PSD3: variants seen among roughly 807,000 people sequenced by gnomAD.
The protein encoded by PSD3 is pleckstrin and Sec7 domain containing 3, also known as PH and SEC7 domain-containing protein 3.
A neutral mutation model predicts 105.5 loss-of-function variants in PSD3; 49 were observed. The ratio of observed to expected loss-of-function variants is 0.46; its 90% CI spans 0.37 to 0.59. The LOEUF (loss-of-function observed/expected upper bound fraction) is 0.59, where lower values mean the gene tolerates loss of function less well. Among genes scored for constraint, PSD3 ranks in the 20% least tolerant of loss-of-function variants. The pLI is 0.00. For synonymous variants in PSD3, 557 were observed against 457.8 expected (o/e 1.22, Z -2.77); for missense variants, 1,561 against 1,263.8 (o/e 1.24, Z -3.57).
At chr8:18,984,039 G>A (rs770984904) in intron 1 of PSD3, among the ~76,000 whole-genome samples, 40 of 149,424 alleles carry the variant, frequency 2.7e-4, no homozygotes, top group Non-Finnish European at 4.4e-4. Context: ...ATCACTGATC[G>A]CAGATCATAA....
At chr8:19,042,064 T>C (rs1346346493) in intron 1 of PSD3, among the ~76,000 whole-genome samples, 3 of 152,220 alleles carry the variant, frequency 2.0e-5, no homozygotes, top group East Asian at 3.8e-4. Context: ...ATTAAAATTG[T>C]TTTTATTTTG....
At chr8:18,799,064 T>A in intron 8 of PSD3, 1 of 474,566 alleles carries the variant, frequency 2.1e-6, no homozygotes, top group Non-Finnish European at 3.8e-6. Context: ...AACACACACA[T>A]TACTGCTAAA....
In PSD3 at chr8:18,527,934, T is replaced by A. The variant is rs548223831; in HGVS notation, c.*7809A>T. The A allele has an allele frequency of 1.3e-5, 2 of 152,204 alleles. No individual in the cohort carries two copies. Among genetic ancestry groups the A allele is most frequent in the African/African-American group, 2.4e-5 (1 of 41,456 alleles). The allele number at this position is 152,204 out of a possible 1,614,324, so 9.4% of individuals were successfully genotyped here. A position where few individuals can be genotyped will look rare whatever the true frequency, so the allele number is the denominator to read the frequency against. ...GGGACATATGGCACCAGGACTGCAA[T>A]AGAACTGAAATGATTGGTGGAGAAA... On this transcript the variant is annotated 3_prime_UTR_variant, in exon 16 of 16. Transcript: ENST00000327040.
intron 8 of PSD3, among the ~76,000 whole-genome samples, chr8:18,790,982 C>CA (rs1809667203): frequency 6.6e-6 from 1 of 152,076 alleles, no homozygotes; most frequent in South Asian, 2.1e-4. Context: ...TAACTGCCAA[C>CA]AAAAGAATAA....
intron 9 of PSD3, among the ~76,000 whole-genome samples, chr8:18,708,586 GACA>G (rs1802041350): frequency 1.3e-5 from 2 of 152,068 alleles, no homozygotes; most frequent in Non-Finnish European, 2.9e-5. Flanking sequence ...TTCTGTAACA[GACA>G]ACATTTTCGT....
intron 9 of PSD3, among the ~76,000 whole-genome samples, chr8:18,711,664 C>G (rs1802265258): frequency 6.6e-6 from 1 of 152,114 alleles, no homozygotes; most frequent in African/African-American, 2.4e-5. Context: ...GACTTAGACT[C>G]CCACACAATG....
intron 9 of PSD3, among the ~76,000 whole-genome samples, chr8:18,670,115 C>T (rs1434223290): frequency 6.6e-6 from 1 of 152,060 alleles, no homozygotes; most frequent in Non-Finnish European, 1.5e-5. Context: ...AAAGAGTAGC[C>T]GTAGCCTGGA....
At position 18,801,334 on chromosome 8, in the gene PSD3, C is replaced by T. The variant is rs369816180; in HGVS notation, c.1959G>A (p.Glu653=). 1.4e-5 allele frequency: 22 copies of T among 1,609,108 alleles called. No individual in the cohort carries two copies. Among genetic ancestry groups the T allele is most frequent in the Non-Finnish European group, 1.9e-5 (22 of 1,176,690 alleles). Residue 653 remains glutamate, a synonymous_variant, in exon 7 of 16, where the codon GAG becomes GAA. Transcript: ENST00000327040. ...FSLVGETQER[E]RVLIHFSNRY... ...TATTGGAGAAGTGTATTAAAACTCT[C>T]TCTCGTTCTTGAGTTTCTCCCACAA...
At position 18,727,197 on chromosome 8, in the gene PSD3, C is replaced by T. The variant is rs190846247; in HGVS notation, c.2172+38252G>A. On this transcript the variant is annotated intron_variant, in intron 9 of 15. Transcript: ENST00000327040. ...CTAAAAATACAAAAAACTACCTGGG[C>T]ATGGTGGTGGGCACCTGTAATCCCA... is the stretch of plus-strand genomic sequence containing the variant. Among the ~76,000 whole-genome samples the T allele has an allele frequency of 3.8e-3, 574 of 151,980 alleles. 4 individuals are homozygous for T. The highest frequency in any genetic ancestry group is 0.014 in the Middle Eastern group (4 of 294).
chr8:18,864,464 T>C (rs907803525), intron 4 of PSD3, among the ~76,000 whole-genome samples: 2 of 152,204 alleles, frequency 1.3e-5, no homozygotes, highest in African/African-American at 4.8e-5. Flanking sequence ...GCTAAAGTAA[T>C]AATATTTTTT....
At chr8:18,907,271 C>T (rs535183855) in intron 2 of PSD3, among the ~76,000 whole-genome samples, 9 of 152,234 alleles carry the variant, frequency 5.9e-5, no homozygotes, top group Middle Eastern at 3.4e-3. Context: ...CTTCCAGTCC[C>T]GTAAGCTCCA....
At chr8:19,063,251 T>G (rs1828963624) in intron 1 of PSD3, among the ~76,000 whole-genome samples, 1 of 152,224 alleles carries the variant, frequency 6.6e-6, no homozygotes, top group Admixed American at 6.5e-5. Flanking sequence ...GTTAGCTGAT[T>G]TTAAAAGTAG....
chr8:18,724,570 C>T (rs994098116), intron 9 of PSD3, among the ~76,000 whole-genome samples: 2 of 151,832 alleles, frequency 1.3e-5, no homozygotes, highest in Non-Finnish European at 2.9e-5. Context: ...TATGATCACT[C>T]CATTGTACTC....
Position 18,716,025 on chromosome 8 carries a change from G to T in PSD3, c.2172+49424C>A, listed in dbSNP as rs569643758. Among the ~76,000 whole-genome samples, 21 of 152,340 alleles carry T rather than the reference G, an allele frequency of 1.4e-4. No individual in the cohort carries two copies. The South Asian group carries it at 4.1e-3, about 30-fold the overall frequency. On this transcript the variant is annotated intron_variant, in intron 9 of 15. Coordinates refer to ENST00000327040, the MANE Select transcript of PSD3 (RefSeq NM_015310.4). ...GGGTGCTTTAACGAACAAAAGTAGG[G>T]TAAGAGGACAGAGCATAACGGCAGG... is the stretch of plus-strand genomic sequence containing the variant.
intron 1 of PSD3, among the ~76,000 whole-genome samples, chr8:19,055,545 G>T (rs1179325278): frequency 6.6e-6 from 1 of 152,196 alleles, no homozygotes; most frequent in African/African-American, 2.4e-5. Context: ...GAGCCACCGT[G>T]CCCGGCCGAT....
intron 1 of PSD3, among the ~76,000 whole-genome samples, chr8:18,953,447 A>G (rs1823369793): frequency 1.3e-5 from 2 of 152,208 alleles, no homozygotes; most frequent in Admixed American, 1.3e-4. Context: ...TCTGTCCATC[A>G]ATATACAAAT....
At chr8:18,541,156 T>TG in intron 15 of PSD3, among the ~76,000 whole-genome samples, 1 of 89,382 alleles carries the variant, frequency 1.1e-5, no homozygotes, top group South Asian at 3.6e-4. Context: ...ATATTTTACT[T>TG]GAAAAAAAAA....
Position 18,804,700 on chromosome 8 carries a change from G to T in PSD3, c.1829+4C>A. 6.2e-7 allele frequency: 1 copy of T among 1,613,554 alleles called. No individual in the cohort carries two copies. The highest frequency in any genetic ancestry group is 1.3e-5 in the African/African-American group (1 of 75,012). On this transcript the variant is annotated splice_donor_region_variant and intron_variant, in intron 5 of 15. Transcript: ENST00000327040. ...TCAGACTCCAGCAATGGGTCAGAAC[G>T]TACTTCTTGCCAAGGTGTTTTGCAA...
At chr8:19,020,675 G>A (rs1465396190) in intron 1 of PSD3, among the ~76,000 whole-genome samples, 1 of 152,058 alleles carries the variant, frequency 6.6e-6, no homozygotes, top group African/African-American at 2.4e-5. Context: ...GGAGATGATG[G>A]TGGCTTGGGC....
Sources: gnomAD v4.1 joint callset for allele counts (sites outside exome capture counted in the v4.1 genomes callset) on GRCh38, gnomAD v4.1.1 for gene constraint, MANE v1.5 for transcripts, NCBI Gene and HGNC (gene_info 2026-07-23, HGNC 2026-07-21) for gene names.